Variants in CORIN observed in about 807,000 individuals in gnomAD.
CORIN encodes atrial natriuretic peptide-converting enzyme.
Under a neutral mutation model 125.3 loss-of-function variants are expected in CORIN, and 117 were observed. The observed-to-expected ratio is 0.93, with a 90% confidence interval of 0.80 to 1.09. The LOEUF is 1.09. CORIN is among the 50% of genes least tolerant of loss of function. The pLI, the probability that CORIN is intolerant of heterozygous loss-of-function variation, is 0.00. For synonymous variants in CORIN, 450 were observed against 466.4 expected, an observed-to-expected ratio of 0.96 and a Z score of 0.45; for missense variants, 1,253 against 1,306.7, an observed-to-expected ratio of 0.96 and a Z score of 0.63.
At chr4:47,659,306 C>A (rs1259621509) in intron 12 of CORIN, among the ~76,000 whole-genome samples, 1 of 152,222 alleles carries the variant, frequency 6.6e-6, no homozygotes, top group African/African-American at 2.4e-5. Context: ...GTTGCTTCCA[C>A]ATTTTCAGGT....
chr4:47,605,669 C>T (rs1057057207), intron 19 of CORIN, among the ~76,000 whole-genome samples: 1 of 152,074 alleles, frequency 6.6e-6, no homozygotes, highest in Non-Finnish European at 1.5e-5. Flanking sequence ...TTTTTCAACC[C>T]AGGCTGAACA....
chr4:47,599,779 G>A (rs1721381088), intron 21 of CORIN, among the ~76,000 whole-genome samples: 1 of 152,080 alleles, frequency 6.6e-6, no homozygotes, highest in Middle Eastern at 3.2e-3. Context: ...TGGAAGTTGG[G>A]GTGTTGATGT....
chr4:47,812,680 A>G (rs1732112756), intron 1 of CORIN, among the ~76,000 whole-genome samples: 1 of 152,220 alleles, frequency 6.6e-6, no homozygotes, highest in South Asian at 2.1e-4. Context: ...TTCTTTAAAA[A>G]CACAATCATA....
intron 3 of CORIN, among the ~76,000 whole-genome samples, chr4:47,768,101 C>A (rs965339319): frequency 1.1e-4 from 16 of 152,166 alleles, no homozygotes; most frequent in Admixed American, 2.6e-4. Context: ...CTCAAAAGCT[C>A]CCCCACTGAG....
intron 19 of CORIN, among the ~76,000 whole-genome samples, chr4:47,609,585 G>A (rs575594774): frequency 1.2e-4 from 16 of 135,658 alleles, no homozygotes; most frequent in African/African-American, 3.1e-4. Context: ...CAAGGTAAAC[G>A]GATTTTTTTT....
intron 1 of CORIN, chr4:47,837,559 G>A: frequency 2.1e-6 from 1 of 465,134 alleles, no homozygotes; most frequent in East Asian, 4.3e-5. Flanking sequence ...GAGGGACTCT[G>A]CAGGAAAGGT....
chr4:47,614,193 T>G (rs73238612), intron 19 of CORIN, among the ~76,000 whole-genome samples: 63,980 of 151,974 alleles, frequency 0.42, 14,351 homozygotes, highest in Non-Finnish European at 0.5. Context: ...AATTTCTTTT[T>G]TTGTTGTTGT....
At chr4:47,786,314 C>T (rs1730804698) in intron 3 of CORIN, among the ~76,000 whole-genome samples, 1 of 152,020 alleles carries the variant, frequency 6.6e-6, no homozygotes, top group Non-Finnish European at 1.5e-5. Flanking sequence ...GCGGGCGGAT[C>T]ACTTGAGGTC....
chr4:47,745,345 G>T (rs1424456513), intron 4 of CORIN, among the ~76,000 whole-genome samples: 2 of 152,204 alleles, frequency 1.3e-5, no homozygotes, highest in Non-Finnish European at 2.9e-5. Context: ...ACAGCTGAAG[G>T]CTGCATCTCT....
At chr4:47,652,008 C>T (rs1577784884) in intron 13 of CORIN, among the ~76,000 whole-genome samples, 1 of 152,178 alleles carries the variant, frequency 6.6e-6, no homozygotes, top group Non-Finnish European at 1.5e-5. Context: ...CCTCTTTGAA[C>T]CATCTAAGAT....
intron 16 of CORIN, among the ~76,000 whole-genome samples, chr4:47,635,303 A>T (rs1722978601): frequency 6.8e-6 from 1 of 147,290 alleles, no homozygotes; most frequent in South Asian, 2.2e-4. Context: ...GGAACAAATT[A>T]CAAACATGTA....
intron 19 of CORIN, among the ~76,000 whole-genome samples, chr4:47,607,397 G>A (rs1721695702): frequency 6.7e-6 from 1 of 150,248 alleles, no homozygotes; most frequent in African/African-American, 2.5e-5. Context: ...GACAGAGTGA[G>A]ACTCCATCTC....
At chr4:47,759,184 G>T (rs1729333648) in intron 4 of CORIN, among the ~76,000 whole-genome samples, 1 of 152,122 alleles carries the variant, frequency 6.6e-6, no homozygotes, top group African/African-American at 2.4e-5. Context: ...GCAGAAGAAT[G>T]AAATTAGACT....
chr4:47,596,523 T>A (rs1417848231), intron 21 of CORIN, among the ~76,000 whole-genome samples: 2 of 152,184 alleles, frequency 1.3e-5, no homozygotes, highest in African/African-American at 4.8e-5. Context: ...TATATAGGGA[T>A]TTTCATTCAT....
intron 13 of CORIN, among the ~76,000 whole-genome samples, chr4:47,648,208 C>T (rs1723574686): frequency 6.6e-6 from 1 of 152,174 alleles, no homozygotes; most frequent in South Asian, 2.1e-4. Flanking sequence ...AAATTAAAAA[C>T]AGGCATGGAT....
intron 4 of CORIN, among the ~76,000 whole-genome samples, chr4:47,756,630 TAGTC>T (rs1260140174): frequency 1.3e-5 from 2 of 151,916 alleles, no homozygotes; most frequent in African/African-American, 2.4e-5. Context: ...TTTTTAATCT[TAGTC>T]ATGTGGCTAA....
At position 47,701,634 on chromosome 4, in the gene CORIN, G is replaced by A. The variant is rs535155235; in HGVS notation, c.800-8551C>T. 8.9e-4 allele frequency among the ~76,000 whole-genome samples: 135 copies of A among 152,058 alleles called. 1 individual carries two copies. The South Asian group carries it at 0.011, about 12-fold the overall frequency. On this transcript the variant is annotated intron_variant, in intron 5 of 21. Coordinates refer to ENST00000273857, the MANE Select transcript of CORIN (RefSeq NM_006587.4). ...GTCATCATTCAACATTTCAAGTACA[G>A]TCACAGTAAAAAATCCTACCCAGTA...
intron 5 of CORIN, among the ~76,000 whole-genome samples, chr4:47,712,097 TAATATATGTTAACAA>T (rs1726869226): frequency 6.6e-6 from 1 of 152,258 alleles, no homozygotes; most frequent in Non-Finnish European, 1.5e-5. Context: ...TTAATTGAGA[TAATATATGTTAACAA>T]TTAAGCATAG....
intron 5 of CORIN, among the ~76,000 whole-genome samples, chr4:47,701,022 T>A (rs1577841791): frequency 1.3e-5 from 2 of 152,364 alleles, no homozygotes; most frequent in Admixed American, 1.3e-4. Flanking sequence ...TCTCCATTAG[T>A]ACCTTTTAAC....
Sources: gnomAD v4.1 joint callset for allele counts (sites outside exome capture counted in the v4.1 genomes callset) on GRCh38, gnomAD v4.1.1 for gene constraint, MANE v1.5 for transcripts, NCBI Gene and HGNC (gene_info 2026-07-23, HGNC 2026-07-21) for gene names.